Variants in PTPRG observed in about 807,000 individuals in gnomAD.
The protein encoded by PTPRG is receptor-type tyrosine-protein phosphatase gamma.
Under a neutral mutation model 165.3 loss-of-function variants are expected in PTPRG, and 102 were observed. The observed-to-expected ratio is 0.62, with a 90% CI of 0.53 to 0.73. The LOEUF (loss-of-function observed/expected upper bound fraction) is 0.73, where lower values mean the gene tolerates loss of function less well. PTPRG is among the 30% of genes least tolerant of loss of function. The pLI is 0.00. For synonymous variants in PTPRG, 675 were observed against 669.5 expected, an observed-to-expected ratio of 1.01 and a Z score of -0.13; for missense variants, 1,866 against 1,861.4, an observed-to-expected ratio of 1.00 and a Z score of -0.05.
At chr3:61,816,393 A>G (rs532515360) in intron 2 of PTPRG, among the ~76,000 whole-genome samples, 5 of 152,202 alleles carry the variant, frequency 3.3e-5, no homozygotes, top group South Asian at 4.1e-4. Context: ...ATTGCTGGGC[A>G]TGGTGGTGGG....
intron 5 of PTPRG, among the ~76,000 whole-genome samples, chr3:62,124,009 T>C (rs1412288433): frequency 6.6e-6 from 1 of 152,072 alleles, no homozygotes; most frequent in Non-Finnish European, 1.5e-5. Context: ...ATAACGAATA[T>C]CACAGTCCAA....
At chr3:62,172,954 G>C (rs145254970) in intron 8 of PTPRG, among the ~76,000 whole-genome samples, 41 of 152,236 alleles carry the variant, frequency 2.7e-4, no homozygotes, top group African/African-American at 9.9e-4. Context: ...TTTTGGTTAA[G>C]GGCCAGATAG....
intron 2 of PTPRG, among the ~76,000 whole-genome samples, chr3:61,875,072 T>C (rs529052379): frequency 6.6e-6 from 1 of 152,362 alleles, no homozygotes; most frequent in East Asian, 1.9e-4. Context: ...CGAGCTCTTA[T>C]CTAAAGAAGG....
rs1043751671 is a variant in PTPRG at position 61,649,735 on chromosome 3, A to G, written c.85+87363A>G. On this transcript the variant is annotated intron_variant, in intron 1 of 29. Transcript: ENST00000474889. Reference sequence around the variant, plus strand: ...GAGTATAATGCAAGGCACTTTGCTTATATTACATTGGCTCCTCTTAGAAAT... The same window carrying G: ...GAGTATAATGCAAGGCACTTTGCTTGTATTACATTGGCTCCTCTTAGAAAT... Among the ~76,000 whole-genome samples the G allele has an allele frequency of 2.6e-5, 4 of 152,338 alleles. 1 individual carries two copies. In the South Asian group the frequency reaches 8.3e-4, roughly 32 times the overall value.
At chr3:62,092,476 T>TTTGCTTG (rs1418450955) in intron 5 of PTPRG, among the ~76,000 whole-genome samples, 2 of 146,724 alleles carry the variant, frequency 1.4e-5, no homozygotes, top group Non-Finnish European at 3.0e-5. Context: ...GACAAGGACC[T>TTTGCTTG]TTGCTTGTTT....
At chr3:62,182,528 G>C (rs1008760923) in intron 8 of PTPRG, among the ~76,000 whole-genome samples, 1 of 152,182 alleles carries the variant, frequency 6.6e-6, no homozygotes, top group African/African-American at 2.4e-5. Flanking sequence ...TTGTTGATGT[G>C]TGTTCTCCCA....
At chr3:61,993,595 T>C (rs2040950841) in intron 3 of PTPRG, among the ~76,000 whole-genome samples, 1 of 152,218 alleles carries the variant, frequency 6.6e-6, no homozygotes, top group African/African-American at 2.4e-5. Context: ...CATTATTTCT[T>C]ACAACTGCAT....
chr3:62,035,648 T>G (rs1285996118), intron 4 of PTPRG, among the ~76,000 whole-genome samples: 1 of 152,214 alleles, frequency 6.6e-6, no homozygotes, highest in Non-Finnish European at 1.5e-5. Flanking sequence ...ATCCTACTCC[T>G]TCAATTGCTT....
At chr3:62,157,548 T>C (rs931424574) in intron 7 of PTPRG, among the ~76,000 whole-genome samples, 17 of 152,220 alleles carry the variant, frequency 1.1e-4, no homozygotes, top group African/African-American at 3.9e-4. Flanking sequence ...TCTTCTAAGC[T>C]CTTTATAAAT....
intron 4 of PTPRG, among the ~76,000 whole-genome samples, chr3:62,042,640 C>G (rs1450070287): frequency 6.6e-6 from 1 of 152,110 alleles, no homozygotes; most frequent in East Asian, 1.9e-4. Flanking sequence ...GCTTCAGGGT[C>G]TCCTCCAACC....
chr3:62,183,309 ATC>A (rs1705732414), intron 8 of PTPRG, among the ~76,000 whole-genome samples: 1 of 152,154 alleles, frequency 6.6e-6, no homozygotes, highest in African/African-American at 2.4e-5. Flanking sequence ...CATGCCTGTA[ATC>A]TCAACACTTT....
At chr3:61,615,682 G>T (rs932909238) in intron 1 of PTPRG, among the ~76,000 whole-genome samples, 1 of 152,086 alleles carries the variant, frequency 6.6e-6, no homozygotes, top group African/African-American at 2.4e-5. Context: ...TTGGATGATG[G>T]ATTTTTATTT....
intron 2 of PTPRG, among the ~76,000 whole-genome samples, chr3:61,880,334 G>GCACAATGGCTCATGCCGCA (rs1317720541): frequency 2.6e-5 from 4 of 152,208 alleles, no homozygotes; most frequent in Non-Finnish European, 4.4e-5. Context: ...GACCGGCCGT[G>GCACAATGGCTCATGCCGCA]CACAATGGCT....
At position 62,022,230 on chromosome 3, in the gene PTPRG, A is replaced by G. The variant is rs186993224; in HGVS notation, c.519+18733A>G. On this transcript the variant is annotated intron_variant, in intron 4 of 29. Coordinates refer to ENST00000474889, the MANE Select transcript of PTPRG (RefSeq NM_002841.4). ...TGTATGTTATAGGTGACCTATTTAC[A>G]TTTTTTGTGAAATAAAAGAATGAAC... Among the ~76,000 whole-genome samples, 6 of 152,236 alleles carry G rather than the reference A, an allele frequency of 3.9e-5. No individual in the cohort carries two copies. The East Asian group carries it at 1.2e-3, about 29-fold the overall frequency.
chr3:62,259,309 C>T (rs1437351338), intron 16 of PTPRG, among the ~76,000 whole-genome samples: 1 of 152,130 alleles, frequency 6.6e-6, no homozygotes, highest in Non-Finnish European at 1.5e-5. Context: ...GTAGGCAGGG[C>T]TGTCCAATCT....
chr3:62,204,945 G>T (rs1482196264), intron 12 of PTPRG, among the ~76,000 whole-genome samples: 1 of 152,088 alleles, frequency 6.6e-6, no homozygotes, highest in African/African-American at 2.4e-5. Flanking sequence ...CATTTTGCCA[G>T]ACTACAAGAT....
intron 2 of PTPRG, among the ~76,000 whole-genome samples, chr3:61,899,519 G>A (rs944923497): frequency 2.0e-5 from 3 of 152,078 alleles, no homozygotes; most frequent in Non-Finnish European, 2.9e-5. Flanking sequence ...GAGAGCTGTC[G>A]GTTTCTGCTT....
intron 1 of PTPRG, among the ~76,000 whole-genome samples, chr3:61,634,706 G>C (rs1701859800): frequency 2.0e-5 from 3 of 152,304 alleles, no homozygotes; most frequent in Middle Eastern, 3.4e-3. Context: ...CTCTTCTCCT[G>C]TGAGGTCACT....
intron 5 of PTPRG, among the ~76,000 whole-genome samples, chr3:62,102,257 T>G (rs1702313765): frequency 6.6e-6 from 1 of 152,042 alleles, no homozygotes; most frequent in Non-Finnish European, 1.5e-5. Flanking sequence ...TCTGTCTTCC[T>G]TTCTTTCCTT....
Sources: gnomAD v4.1 joint callset for allele counts (sites outside exome capture counted in the v4.1 genomes callset) on GRCh38, gnomAD v4.1.1 for gene constraint, MANE v1.5 for transcripts, NCBI Gene and HGNC (gene_info 2026-07-23, HGNC 2026-07-21) for gene names.